Variants in IPO4 observed in about 807,000 individuals in gnomAD.
IPO4 encodes importin-4.
In IPO4, 91 loss-of-function variants were observed where a neutral mutation model predicts 133.5. The observed-to-expected ratio is 0.68, with a 90% CI of 0.58 to 0.81. The LOEUF is 0.81. Among genes scored for constraint, IPO4 ranks in the 30% least tolerant of loss-of-function variants. The pLI is 0.00. For missense variants in IPO4, 1,279 were observed against 1,386.2 expected (o/e 0.92, Z 1.23); for synonymous variants, 607 against 581.6 (o/e 1.04, Z -0.63).
In IPO4 at chr14:24,181,978, C is replaced by T; in HGVS notation, c.2784G>A (p.Glu928=). The T allele has an allele frequency of 6.2e-7, 1 of 1,611,914 alleles. No individual in the cohort carries two copies. Among genetic ancestry groups the T allele is most frequent in the Non-Finnish European group, 8.5e-7 (1 of 1,180,040 alleles). ...NAIFGMGVLA[E]HGGHPAQEHF... Reference sequence around the variant, plus strand: ...ACTCCTGGGCAGGGTGGCCCCCATGCTCTGCCAGCACGCCCATCCCGAAGA... The same window carrying T: ...ACTCCTGGGCAGGGTGGCCCCCATGTTCTGCCAGCACGCCCATCCCGAAGA... The change falls in exon 26 of 30, where the codon GAG becomes GAA. Residue 928 remains glutamate (E), a synonymous_variant. Transcript: ENST00000354464.
rs1318298270 is a variant in IPO4 at position 24,186,317 on chromosome 14, C to T, written c.975G>A (p.Met325Ile). The T allele has an allele frequency of 6.2e-7, 1 of 1,610,788 alleles. No homozygotes were observed. The highest frequency in any genetic ancestry group is 1.3e-5 in the African/African-American group (1 of 75,006). Reference protein sequence around the residue: ...SEEEELEIELMGETPKHFAVQ... With the variant: ...SEEEELEIELIGETPKHFAVQ... ...CAGCGAAATGCTTGGGAGTCTCCCC[C>T]ATCAGCTCAATCTCCAACTCTTCCT... Residue 325 changes from methionine to isoleucine, a missense_variant, in exon 10 of 30, where the codon ATG (methionine) becomes ATA (isoleucine). This residue lies in a region of IPO4 where 695 missense variants were observed against 704.1 expected (regional missense o/e 0.99). Coordinates refer to ENST00000354464, the MANE Select transcript of IPO4 (RefSeq NM_024658.4).
chr14:24,183,092 T>A lies in IPO4; in HGVS notation c.2305A>T (p.Met769Leu), dbSNP rs1163233376. The stretch of plus-strand genomic sequence containing the variant: ...CCTGTCAGGGCCTCCAGCACGGCCA[T>A]CACCACCTGGCGTTCCCGCTCCCTG... The part of the protein sequence containing the change: ...VNRERERQVV[M>L]AVLEALTGVL... The change falls in exon 23 of 30, where the codon ATG (methionine) becomes TTG (leucine). Residue 769 changes from methionine to leucine, a missense_variant. Transcript: ENST00000354464. 1 of 1,613,662 alleles carries A rather than the reference T, an allele frequency of 6.2e-7. No homozygotes were observed. The highest frequency in any genetic ancestry group is 1.3e-5 in the African/African-American group (1 of 74,906).
intron 3 of IPO4, 31 bp downstream of exon 3, chr14:24,188,313 C>T: frequency 6.2e-7 from 1 of 1,613,188 alleles, no homozygotes; most frequent in Non-Finnish European, 8.5e-7. Context: ...AAGTCTCCGC[C>T]TGGCCCCGCC....
Position 24,185,540 on chromosome 14 carries a change from C to T in IPO4, c.1197G>A (p.Val399=). ...QRLLPPLLQI[V]CKGLEDPSQV... The stretch of plus-strand genomic sequence containing the variant: ...GCGAGGGGTCCTCCAGGCCCTTGCA[C>T]ACAATCTGCAGCAGTGGGGGCAGCA... The change falls in exon 13 of 30, where the codon GTG becomes GTA. Residue 399 remains valine (V), a synonymous_variant. Transcript: ENST00000354464. The T allele has an allele frequency of 2.5e-6, 4 of 1,614,168 alleles. No individual in the cohort carries two copies. The highest frequency in any genetic ancestry group is 3.4e-6 in the Non-Finnish European group (4 of 1,180,026).
At chr14:24,180,877 T>C (rs2039125972) in intron 28 of IPO4, 119 bp from the exon 29 acceptor site, 2 of 707,384 alleles carry the variant, frequency 2.8e-6, no homozygotes, top group Non-Finnish European at 4.6e-6. Context: ...CTGGTACTGA[T>C]TCACAGGCAT....
intron 26 of IPO4, 46 bp from the exon 27 acceptor site, chr14:24,181,889 C>T: frequency 6.2e-7 from 1 of 1,604,644 alleles, no homozygotes; most frequent in Non-Finnish European, 8.5e-7. Context: ...TAGACCTTGC[C>T]CACCTGCAAG....
Position 24,186,131 on chromosome 14 carries a change from G to A in IPO4, c.1057C>T (p.Leu353=), listed in dbSNP as rs903257129. ...HLPPEKLCPQ[L]MPMLEEALRS... ...CAGAAGGACAGAGCCACACTTACCAGCTGGGGACAGAGCTTCTCGGGGGGC... is the reference window on the plus strand; with the variant it reads ...CAGAAGGACAGAGCCACACTTACCAACTGGGGACAGAGCTTCTCGGGGGGC... Residue 353 remains leucine, a splice_region_variant and synonymous_variant, in exon 11 of 30, where the codon CTG becomes TTG. Coordinates refer to ENST00000354464, the MANE Select transcript of IPO4 (RefSeq NM_024658.4). 11 of 1,613,778 alleles carry A rather than the reference G, an allele frequency of 6.8e-6. No homozygotes were observed. The South Asian group carries it at 1.2e-4, about 18-fold the overall frequency.
chr14:24,185,477 C>G lies in IPO4; in HGVS notation c.1260G>C (p.Gln420His). Residue 420 changes from glutamine (Q) to histidine (H), a missense_variant, in exon 13 of 30, where the codon CAG (glutamine) becomes CAC (histidine). Coordinates refer to ENST00000354464, the MANE Select transcript of IPO4 (RefSeq NM_024658.4). The part of the protein sequence containing the change: ...VRNAALFALG[Q>H]FSENLQPHIS... ...GGTTCACCTGTAGGTTTTCTGAGAACTGGCCCAGGGCAAACAGCGCAGCAT... is the reference window on the plus strand; with the variant it reads ...GGTTCACCTGTAGGTTTTCTGAGAAGTGGCCCAGGGCAAACAGCGCAGCAT... The G allele has an allele frequency of 5.0e-6, 8 of 1,614,226 alleles. No homozygotes were observed. Among genetic ancestry groups the G allele is most frequent in the Non-Finnish European group, 6.8e-6 (8 of 1,180,022 alleles).
rs1326580862 is a variant in IPO4 at position 24,184,330 on chromosome 14, G to A, written c.1725C>T (p.Asp575=). The A allele has an allele frequency of 1.3e-6, 2 of 1,589,758 alleles. No homozygotes were observed. The highest frequency in any genetic ancestry group is 2.3e-5 in the South Asian group (2 of 87,956). Reference sequence around the variant, plus strand: ...GCCGCAAGTCAGGGTCGTCTACCTGGTCGCAGAGGCCCAGACCCAGCTGGC... The same window carrying A: ...GCCGCAAGTCAGGGTCGTCTACCTGATCGCAGAGGCCCAGACCCAGCTGGC... ...ECCQLGLGLC[D]QVDDPDLRRC... is the part of the protein sequence containing the mutation. The change falls in exon 17 of 30, where the codon GAC becomes GAT. Residue 575 remains aspartate, a synonymous_variant. Transcript: ENST00000354464.
At position 24,188,594 on chromosome 14, in the gene IPO4, C is replaced by T. The variant is rs755648639; in HGVS notation, c.114G>A (p.Leu38=). The change falls in exon 2 of 30, where the codon TTG becomes TTA. Residue 38 remains leucine (L), a synonymous_variant. Transcript: ENST00000354464. ...AGGCTAGCAGGTCGCAGAGAGCCGG[C>T]AAAGCGGCGGGGGCCCGAAGAACGA... The part of the protein sequence containing the change: ...LQIVLRAPAA[L]PALCDLLASA... 2.5e-6 allele frequency: 4 copies of T among 1,613,246 alleles called. No homozygotes were observed. Among genetic ancestry groups the T allele is most frequent in the Non-Finnish European group, 3.4e-6 (4 of 1,179,782 alleles).
rs768951909 is a variant in IPO4 at position 24,183,289 on chromosome 14, T to C, written c.2188A>G (p.Lys730Glu). Residue 730 changes from lysine to glutamate, a missense_variant, in exon 22 of 30, where the codon AAG becomes GAG. Physicochemically the swap from Lys to Glu is moderately conservative, Grantham distance 56. This residue lies in a region of IPO4 where 575 missense variants were observed against 653.4 expected (regional missense o/e 0.88). Coordinates refer to ENST00000354464, the MANE Select transcript of IPO4 (RefSeq NM_024658.4). ...ALGQFCCALHKACQSCPSEPN... is the reference protein window; with the variant it reads ...ALGQFCCALHEACQSCPSEPN... ...TCCGAGGGGCAGCTTTGACAGGCCT[T>C]GTGCAGTGCACAGCAAAACTGACCC... The C allele has an allele frequency of 6.2e-7, 1 of 1,613,654 alleles. No individual in the cohort carries two copies. The highest frequency in any genetic ancestry group is 1.1e-5 in the South Asian group (1 of 90,950).
At position 24,187,393 on chromosome 14, in the gene IPO4, A is replaced by G; in HGVS notation, c.588+7T>C. On this transcript the variant is annotated splice_region_variant and intron_variant, in intron 6 of 29. Coordinates refer to ENST00000354464, the MANE Select transcript of IPO4 (RefSeq NM_024658.4). Reference sequence around the variant, plus strand: ...GGAGTCAAAGATAACGAGGGCCCACATCTCACCACATCTTCAGTGCTGAGG... The same window carrying G: ...GGAGTCAAAGATAACGAGGGCCCACGTCTCACCACATCTTCAGTGCTGAGG... 2 of 1,613,900 alleles carry G rather than the reference A, an allele frequency of 1.2e-6. No homozygotes were observed. The highest frequency in any genetic ancestry group is 2.2e-5 in the East Asian group (1 of 44,886).
Position 24,184,706 on chromosome 14 carries a change from C to T in IPO4, c.1580G>A (p.Arg527Gln), listed in dbSNP as rs763087969. 120 of 1,612,886 alleles carry T rather than the reference C, an allele frequency of 7.4e-5. No homozygotes were observed. The highest frequency in any genetic ancestry group is 8.8e-5 in the Non-Finnish European group (104 of 1,179,536). The part of the protein sequence containing the change: ...PYFPAIMEHL[R>Q]EFLLTGREDL... ...CTCACGGCCTGTTAACAGGAATTCC[C>T]GCAGGTGCTCCATGATGGCAGGGAA... Residue 527 changes from arginine (R) to glutamine (Q), a missense_variant, in exon 16 of 30, where the codon CGG becomes CAG. Transcript: ENST00000354464.
Position 24,182,151 on chromosome 14 carries a change from T to C in IPO4, c.2611A>G (p.Thr871Ala), listed in dbSNP as rs2039148373. ...LLVCKTKQGC[T>A]VAEKSFAVGT... is the part of the protein sequence containing the mutation. ...ACTGCAAAGGACTTCTCTGCCACTG[T>C]GCAGCCCTGTTTCTGATGGGGGAGA... The change falls in exon 26 of 30, where the codon ACA (threonine) becomes GCA (alanine). Residue 871 changes from threonine to alanine, a missense_variant. This residue lies in a region of IPO4 where 575 missense variants were observed against 653.4 expected (regional missense o/e 0.88). Coordinates refer to ENST00000354464, the MANE Select transcript of IPO4 (RefSeq NM_024658.4). 1 of 1,614,078 alleles carries C rather than the reference T, an allele frequency of 6.2e-7. No homozygotes were observed. The highest frequency in any genetic ancestry group is 8.5e-7 in the Non-Finnish European group (1 of 1,180,022).
chr14:24,183,671 GA>G lies in IPO4; in HGVS notation c.1986-5del. 6.2e-7 allele frequency: 1 copy of G among 1,614,138 alleles called. No homozygotes were observed. Among genetic ancestry groups the G allele is most frequent in the South Asian group, 1.1e-5 (1 of 91,080 alleles). On this transcript the variant is annotated splice_polypyrimidine_tract_variant and splice_region_variant and intron_variant, in intron 19 of 29. Coordinates refer to ENST00000354464, the MANE Select transcript of IPO4 (RefSeq NM_024658.4). ...GAAGGCATTCTCCACGCTGTACCTA[GA>G]GTAAGAAGGGGAGGCAGTGGTGATC... is the stretch of plus-strand genomic sequence containing the variant.
chr14:24,186,489 G>A (rs746035175), intron 9 of IPO4, 38 bp from the exon 10 acceptor site: 4 of 1,533,278 alleles, frequency 2.6e-6, no homozygotes, highest in African/African-American at 2.8e-5. Flanking sequence ...CTAAGAATCT[G>A]CTCCCAGGAT....
rs764279714 is a variant in IPO4, at chr14:24,185,976, G to A, written c.1060-6C>T. 1.9e-6 allele frequency: 3 copies of A among 1,613,180 alleles called. No homozygotes were observed. The highest frequency in any genetic ancestry group is 1.7e-6 in the Non-Finnish European group (2 of 1,179,184). On this transcript the variant is annotated splice_polypyrimidine_tract_variant and splice_region_variant and intron_variant, in intron 11 of 29. Coordinates refer to ENST00000354464, the MANE Select transcript of IPO4 (RefSeq NM_024658.4). Reference sequence around the variant, plus strand: ...GCCTCTTCCAACATGGGCATCTAGGGAAGCATGTGGCACGCTTCTGAAACC... The same window carrying A: ...GCCTCTTCCAACATGGGCATCTAGGAAAGCATGTGGCACGCTTCTGAAACC...
chr14:24,186,799 C>T lies in IPO4; in HGVS notation c.757-8G>A. On this transcript the variant is annotated splice_polypyrimidine_tract_variant and splice_region_variant and intron_variant, in intron 8 of 29. Transcript: ENST00000354464. ...GGCCACATTTCTAGCTACCTGTCCA[C>T]AGAATAATAAAAATCAGCGACAGGG... The T allele has an allele frequency of 1.9e-6, 3 of 1,613,674 alleles. No homozygotes were observed. Among genetic ancestry groups the T allele is most frequent in the Non-Finnish European group, 2.5e-6 (3 of 1,179,590 alleles).
chr14:24,181,989 C>T lies in IPO4; in HGVS notation c.2773G>A (p.Val925Met), dbSNP rs753675487. Reference sequence around the variant, plus strand: ...GGGTGGCCCCCATGCTCTGCCAGCACGCCCATCCCGAAGATGGCATTGCTT... The same window carrying T: ...GGGTGGCCCCCATGCTCTGCCAGCATGCCCATCCCGAAGATGGCATTGCTT... The part of the protein sequence containing the change: ...VRSNAIFGMG[V>M]LAEHGGHPAQ... Residue 925 changes from valine to methionine, a missense_variant, in exon 26 of 30, where the codon GTG (valine) becomes ATG (methionine). Physicochemically the swap from Val to Met is conservative, Grantham distance 21. Around this residue, in one of 3 missense-constraint regions of IPO4, gnomAD observed 575 missense variants for 653.4 expected, o/e 0.88. Coordinates refer to ENST00000354464, the MANE Select transcript of IPO4 (RefSeq NM_024658.4). 20 of 1,612,212 alleles carry T rather than the reference C, an allele frequency of 1.2e-5. No homozygotes were observed. The highest frequency in any genetic ancestry group is 3.3e-5 in the Admixed American group (2 of 60,008).
Sources: allele counts gnomAD v4.1 joint callset, GRCh38; gene constraint gnomAD v4.1.1; regional missense constraint gnomAD v4.1.1; transcripts MANE v1.5; gene names NCBI Gene and HGNC (gene_info 2026-07-23, HGNC 2026-07-21).